The following SKAP1 variants were observed in gnomAD, a reference collection of about 807,000 sequenced individuals.
SKAP1 encodes src kinase-associated phosphoprotein 1.
A neutral mutation model predicts 58.5 loss-of-function variants in SKAP1; 44 were observed. The ratio of observed to expected loss-of-function variants is 0.75; its 90% CI spans 0.59 to 0.97. SKAP1 has a LOEUF of 0.97. SKAP1 is among the 50% of genes least tolerant of loss of function. The pLI is 0.00. For missense variants in SKAP1, 390 were observed against 435.2 expected (o/e 0.90, Z 0.92); for synonymous variants, 127 against 149.7 (o/e 0.85, Z 1.11).
intron 6 of SKAP1, among the ~76,000 whole-genome samples, chr17:48,187,545 T>A (rs925630308): frequency 6.6e-6 from 1 of 151,650 alleles, no homozygotes; most frequent in Non-Finnish European, 1.5e-5. Context: ...AAGTTCTTTT[T>A]ATTTTTTTTA....
At chr17:48,372,848 A>G (rs1257463250) in intron 2 of SKAP1, among the ~76,000 whole-genome samples, 4 of 151,988 alleles carry the variant, frequency 2.6e-5, no homozygotes, top group Non-Finnish European at 4.4e-5. Flanking sequence ...AATTCTCACT[A>G]TGTTGCCCAG....
chr17:48,286,673 A>AACATCCCATAACAAACACACACACACTCG (rs2065833474), intron 4 of SKAP1, among the ~76,000 whole-genome samples: 1 of 152,214 alleles, frequency 6.6e-6, no homozygotes, highest in Non-Finnish European at 1.5e-5. Flanking sequence ...TAACATCTAC[A>AACATCCCATAACAAACACACACACACTCG]ACATCCCATA....
intron 1 of SKAP1, among the ~76,000 whole-genome samples, chr17:48,405,383 T>G (rs1424953251): frequency 6.6e-6 from 1 of 151,894 alleles, no homozygotes; most frequent in Admixed American, 6.6e-5. Flanking sequence ...ATTTTCTTTT[T>G]TTCTCTTTCC....
chr17:48,360,559 T>C (rs2066922689), intron 3 of SKAP1, among the ~76,000 whole-genome samples: 1 of 152,152 alleles, frequency 6.6e-6, no homozygotes, highest in South Asian at 2.1e-4. Context: ...AAATTTTTTT[T>C]GAGTAAGCAG....
chr17:48,143,641 C>G (rs2063795133), intron 11 of SKAP1, among the ~76,000 whole-genome samples: 1 of 152,202 alleles, frequency 6.6e-6, no homozygotes, highest in Non-Finnish European at 1.5e-5. Context: ...CTGTCTACCT[C>G]TCACATTGTA....
chr17:48,208,803 T>G (rs1375500669), intron 4 of SKAP1, among the ~76,000 whole-genome samples: 1 of 152,190 alleles, frequency 6.6e-6, no homozygotes, highest in Non-Finnish European at 1.5e-5. Flanking sequence ...GTTTTTGTAA[T>G]GGACAAGAAC....
At chr17:48,432,419 A>C, upstream of SKAP1, among the ~76,000 whole-genome samples, 2 of 149,684 alleles carry the variant, frequency 1.3e-5, no homozygotes, top group Admixed American at 6.7e-5. Flanking sequence ...ACAGGGCAAG[A>C]CTCCATCTCA....
At chr17:48,207,296 T>C (rs1474886260) in intron 4 of SKAP1, among the ~76,000 whole-genome samples, 1 of 152,074 alleles carries the variant, frequency 6.6e-6, no homozygotes, top group Non-Finnish European at 1.5e-5. Flanking sequence ...CCAGGAGTTC[T>C]GGCCAACATG....
chr17:48,368,242 GATATTCCCT>G (rs1266721432), intron 2 of SKAP1, among the ~76,000 whole-genome samples: 8 of 152,286 alleles, frequency 5.3e-5, no homozygotes, highest in African/African-American at 1.7e-4. Context: ...TCTTGTTAAA[GATATTCCCT>G]GGGTGGCCTT....
At chr17:48,240,416 A>T (rs1167458474) in intron 4 of SKAP1, among the ~76,000 whole-genome samples, 1 of 46,288 alleles carries the variant, frequency 2.2e-5, no homozygotes, top group Admixed American at 2.3e-4. Flanking sequence ...CACTCATGAT[A>T]AAAAAATAAA....
intron 4 of SKAP1, among the ~76,000 whole-genome samples, chr17:48,300,234 T>G (rs1017726084): frequency 6.6e-6 from 1 of 152,008 alleles, no homozygotes; most frequent in Non-Finnish European, 1.5e-5. Context: ...AATAAGATAC[T>G]TAGGTTGACA....
At chr17:48,297,498 T>G (rs749015735) in intron 4 of SKAP1, among the ~76,000 whole-genome samples, 3 of 152,202 alleles carry the variant, frequency 2.0e-5, no homozygotes, top group Non-Finnish European at 4.4e-5. Flanking sequence ...AGTACAAAAC[T>G]TCTAAAACAA....
intron 4 of SKAP1, among the ~76,000 whole-genome samples, chr17:48,330,725 A>C (rs532599762): frequency 6.6e-6 from 1 of 152,308 alleles, no homozygotes; most frequent in South Asian, 2.1e-4. Flanking sequence ...TCGTTCTTTC[A>C]ACTGCTATAG....
chr17:48,338,898 GATCTAATAAGACATTT>G (rs1291583526), intron 4 of SKAP1, among the ~76,000 whole-genome samples: 3 of 152,096 alleles, frequency 2.0e-5, no homozygotes, highest in Non-Finnish European at 4.4e-5. Flanking sequence ...TGATTTCTTA[GATCTAATAAGACATTT>G]ATCTTCATGA....
At chr17:48,406,267 AAAAC>A (rs1392517381) in intron 1 of SKAP1, among the ~76,000 whole-genome samples, 7 of 148,050 alleles carry the variant, frequency 4.7e-5, no homozygotes, top group African/African-American at 1.5e-4. Context: ...CCGTCTCAAA[AAAAC>A]AAACAAACAA....
At chr17:48,222,549 A>G (rs1457913619) in intron 4 of SKAP1, among the ~76,000 whole-genome samples, 2 of 151,742 alleles carry the variant, frequency 1.3e-5, no homozygotes, top group African/African-American at 4.8e-5. Context: ...GCACAATCTC[A>G]GCTCACTGCA....
At chr17:48,270,977 A>C (rs898001021) in intron 4 of SKAP1, among the ~76,000 whole-genome samples, 1 of 152,098 alleles carries the variant, frequency 6.6e-6, no homozygotes, top group Admixed American at 6.6e-5. Flanking sequence ...GGGGGCATGA[A>C]CATATGGTGA....
chr17:48,193,836 G>A, intron 4 of SKAP1: 4 of 613,838 alleles, frequency 6.5e-6, no homozygotes, highest in Non-Finnish European at 8.1e-6. Flanking sequence ...TGTAAAATAT[G>A]CTTTAAAGGA....
At chr17:48,259,691 C>G (rs1340123902) in intron 4 of SKAP1, among the ~76,000 whole-genome samples, 1 of 152,158 alleles carries the variant, frequency 6.6e-6, no homozygotes, top group African/African-American at 2.4e-5. Flanking sequence ...ACAGAAAAAG[C>G]TGTTGCTACG....
Sources: gnomAD v4.1 joint callset for allele counts (sites outside exome capture counted in the v4.1 genomes callset) on GRCh38, gnomAD v4.1.1 for gene constraint, MANE v1.5 for transcripts, NCBI Gene and HGNC (gene_info 2026-07-23, HGNC 2026-07-21) for gene names.